The following EPHA5 variants were observed in gnomAD, a reference collection of about 807,000 sequenced individuals.
The protein encoded by EPHA5 is ephrin type-A receptor 5.
In EPHA5, 60 loss-of-function variants were observed where a neutral mutation model predicts 105.0. The ratio of observed to expected loss-of-function variants is 0.57; its 90% CI spans 0.46 to 0.71. The LOEUF (loss-of-function observed/expected upper bound fraction) is 0.71, where lower values mean the gene tolerates loss of function less well. Ranked by LOEUF, EPHA5 falls within the 30% of genes least tolerant of loss-of-function variation. EPHA5 has a pLI of 0.00. For missense variants in EPHA5, 1,218 were observed against 1,274.7 expected (o/e 0.96, Z 0.68); for synonymous variants, 513 against 449.1 (o/e 1.14, Z -1.80).
intron 2 of EPHA5, among the ~76,000 whole-genome samples, chr4:65,616,323 T>C (rs939594073): frequency 6.6e-6 from 1 of 151,738 alleles, no homozygotes; most frequent in South Asian, 2.1e-4. Context: ...AGAGTGGTCA[T>C]AAAAGGATGA....
chr4:65,625,562 C>T (rs539655529), intron 2 of EPHA5, among the ~76,000 whole-genome samples: 8 of 152,040 alleles, frequency 5.3e-5, no homozygotes, highest in African/African-American at 1.9e-4. Context: ...CCTATGAAGT[C>T]AATATTATAA....
chr4:65,568,551 T>A (rs977297020), intron 3 of EPHA5, among the ~76,000 whole-genome samples: 6 of 151,340 alleles, frequency 4.0e-5, no homozygotes, highest in South Asian at 2.1e-4. Context: ...CCCTTTTTTT[T>A]AAACATGTAA....
At chr4:65,382,940 G>A (rs1241957632) in intron 8 of EPHA5, among the ~76,000 whole-genome samples, 1 of 151,234 alleles carries the variant, frequency 6.6e-6, no homozygotes, top group Non-Finnish European at 1.5e-5. Context: ...CTGCATGTAA[G>A]CAGAAACTTC....
chr4:65,604,900 C>T (rs1744077774), intron 2 of EPHA5, among the ~76,000 whole-genome samples: 1 of 152,122 alleles, frequency 6.6e-6, no homozygotes, highest in East Asian at 1.9e-4. Flanking sequence ...GTTGGATTTT[C>T]CATGACTTCA....
chr4:65,472,634 C>T (rs1477486461), intron 5 of EPHA5, among the ~76,000 whole-genome samples: 1 of 152,202 alleles, frequency 6.6e-6, no homozygotes, highest in East Asian at 1.9e-4. Context: ...ATGGTGCAAG[C>T]TGTACCTTGG....
intron 14 of EPHA5, among the ~76,000 whole-genome samples, chr4:65,337,049 T>A (rs1354539416): frequency 6.6e-6 from 1 of 152,122 alleles, no homozygotes; most frequent in Non-Finnish European, 1.5e-5. Context: ...ATGATTAGCA[T>A]AGGAAATTTA....
intron 2 of EPHA5, among the ~76,000 whole-genome samples, chr4:65,617,448 A>C (rs904269905): frequency 3.9e-5 from 6 of 152,162 alleles, no homozygotes; most frequent in African/African-American, 9.7e-5. Flanking sequence ...GAATGAATAG[A>C]TGAATTAATG....
rs182876154 is a variant in EPHA5, at chr4:65,348,256, G to A, written c.2446-53C>T. On this transcript the variant is annotated intron_variant, in intron 13 of 16. Transcript: ENST00000613740. ...TCCTACATACTTCAAATGTGCCTAGGGACAGTGTTGCCTCACTGAAAAGAT... is the reference window on the plus strand; with the variant it reads ...TCCTACATACTTCAAATGTGCCTAGAGACAGTGTTGCCTCACTGAAAAGAT... 2,083 of 1,514,406 alleles carry A rather than the reference G, an allele frequency of 1.4e-3. 30 individuals are homozygous for A. In the Middle Eastern group the frequency reaches 0.016, roughly 12 times the overall value. The allele number at this position is 1,514,406 out of a possible 1,614,324, so 93.8% of individuals were successfully genotyped here. A position where few individuals can be genotyped will look rare whatever the true frequency, so the allele number is the denominator to read the frequency against.
intron 8 of EPHA5, among the ~76,000 whole-genome samples, chr4:65,381,880 A>G (rs112880931): frequency 5.7e-4 from 87 of 151,926 alleles, no homozygotes; most frequent in African/African-American, 1.4e-3. Flanking sequence ...CAAGGTGGTA[A>G]GAGAGCCCTC....
At chr4:65,335,787 C>A in intron 15 of EPHA5, 145 bp downstream of exon 15, 1 of 702,502 alleles carries the variant, frequency 1.4e-6, no homozygotes, top group Non-Finnish European at 2.2e-6. Context: ...AAGAGAGTAG[C>A]ATGCAAAAAC....
chr4:65,373,108 T>C (rs1243078794), intron 8 of EPHA5, among the ~76,000 whole-genome samples: 1 of 151,938 alleles, frequency 6.6e-6, no homozygotes, highest in Non-Finnish European at 1.5e-5. Flanking sequence ...TTCCTATTAA[T>C]TTTTAACTGT....
At position 65,323,513 on chromosome 4, in the gene EPHA5, A is replaced by G. The variant is rs1015884263; in HGVS notation, c.*601T>C. 1.7e-5 allele frequency: 4 copies of G among 230,078 alleles called. No individual in the cohort carries two copies. The highest frequency in any genetic ancestry group is 6.6e-5 in the African/African-American group (3 of 45,142). 14.3% of individuals were successfully genotyped at this position (230,078 alleles called of 1,614,324 possible). A position where few individuals can be genotyped will look rare whatever the true frequency, so the allele number is the denominator to read the frequency against. ...AAACTTTATAACACAAAAAATAAAT[A>G]TACACCCTGTATTGTACTTTTTCTT... On this transcript the variant is annotated 3_prime_UTR_variant, in exon 17 of 17. Transcript: ENST00000613740.
At chr4:65,464,538 A>T (rs571755104) in intron 5 of EPHA5, among the ~76,000 whole-genome samples, 4 of 152,134 alleles carry the variant, frequency 2.6e-5, no homozygotes, top group Non-Finnish European at 5.9e-5. Flanking sequence ...ATTTTGATGT[A>T]ACAACTTGTA....
intron 5 of EPHA5, among the ~76,000 whole-genome samples, chr4:65,471,060 T>G (rs1050258478): frequency 3.3e-5 from 5 of 152,186 alleles, no homozygotes; most frequent in Non-Finnish European, 7.3e-5. Context: ...ATCAGTTCCT[T>G]TCTTTGTCTA....
intron 3 of EPHA5, among the ~76,000 whole-genome samples, chr4:65,576,401 T>C (rs1282722679): frequency 6.6e-6 from 1 of 152,236 alleles, no homozygotes; most frequent in Non-Finnish European, 1.5e-5. Context: ...GTCATTTTTC[T>C]TAACTTTGGT....
chr4:65,641,019 C>T (rs572200406), intron 2 of EPHA5, among the ~76,000 whole-genome samples: 1 of 152,104 alleles, frequency 6.6e-6, no homozygotes, highest in Non-Finnish European at 1.5e-5. Flanking sequence ...TTGACAAATT[C>T]CCAGCTGAGA....
At chr4:65,347,932 G>A (rs1040077084) in intron 14 of EPHA5, 122 bp downstream of exon 14, 2 of 1,033,966 alleles carry the variant, frequency 1.9e-6, no homozygotes, top group African/African-American at 3.2e-5. Context: ...CAGATCAGAG[G>A]GTAAGCAAAG....
intron 2 of EPHA5, among the ~76,000 whole-genome samples, chr4:65,613,389 T>A (rs1744950612): frequency 6.6e-6 from 1 of 152,066 alleles, no homozygotes; most frequent in Non-Finnish European, 1.5e-5. Context: ...ACTATATAAT[T>A]TTTTGTCTAA....
In EPHA5 at chr4:65,321,901, G is replaced by C. The variant is rs1007138880; in HGVS notation, c.*2213C>G. ...GAATCAATAAGGCTTTCATTCTGAA[G>C]TTTCTCAGTTGTTACTTTATCACTT... On this transcript the variant is annotated 3_prime_UTR_variant, in exon 17 of 17. Transcript: ENST00000613740. 1.3e-4 allele frequency: 30 copies of C among 225,420 alleles called. 1 individual carries two copies. Among genetic ancestry groups the C allele is most frequent in the Admixed American group, 1.3e-3 (23 of 17,404 alleles). The allele number at this position is 225,420 out of a possible 1,614,324, so 14.0% of individuals were successfully genotyped here.
Sources: allele counts gnomAD v4.1 joint callset (sites outside exome capture counted in the v4.1 genomes callset), GRCh38; gene constraint gnomAD v4.1.1; transcripts MANE v1.5; gene names NCBI Gene and HGNC (gene_info 2026-07-23, HGNC 2026-07-21).